The following RCC1 variants were observed in gnomAD, a reference collection of about 807,000 sequenced individuals.
RCC1 encodes the protein regulator of chromosome condensation.
Under a neutral mutation model 44.4 loss-of-function variants are expected in RCC1, and 11 were observed. The ratio of observed to expected loss-of-function variants is 0.25; its 90% confidence interval spans 0.16 to 0.41. The LOEUF is 0.41. RCC1 is among the 10% of genes least tolerant of loss of function. The pLI, the probability that RCC1 is intolerant of heterozygous loss-of-function variation, is 1.00. For synonymous variants in RCC1, 213 were observed against 216.5 expected (o/e 0.98, Z 0.14); for missense variants, 386 against 547.1 (o/e 0.71, Z 2.94).
chr1:28,526,097 C>A (rs1663641655), intron 4 of RCC1, among the ~76,000 whole-genome samples: 1 of 152,034 alleles, frequency 6.6e-6, no homozygotes, highest in Non-Finnish European at 1.5e-5. Flanking sequence ...CCAGCCTGGG[C>A]AACTTGGCAA....
chr1:28,519,912 G>A (rs1436581561), intron 4 of RCC1, among the ~76,000 whole-genome samples: 2 of 148,332 alleles, frequency 1.3e-5, no homozygotes, highest in Admixed American at 6.8e-5. Context: ...TTGGTCTATC[G>A]CCCAGGCTGT....
intron 1 of RCC1, chr1:28,507,281 C>T (rs1662035348): frequency 6.1e-6 from 3 of 489,436 alleles, no homozygotes; most frequent in East Asian, 5.6e-5. Flanking sequence ...AACTCGTTTG[C>T]TTTCTTGTTT....
chr1:28,519,056 C>G (rs1337707916), intron 4 of RCC1: 1 of 152,248 alleles, frequency 6.6e-6, no homozygotes, highest in Non-Finnish European at 1.5e-5. Context: ...GGGGAGCCCT[C>G]AGGGGGATCC....
intron 3 of RCC1, among the ~76,000 whole-genome samples, chr1:28,516,181 A>T (rs563018452): frequency 6.6e-6 from 1 of 151,512 alleles, no homozygotes; most frequent in Non-Finnish European, 1.5e-5. Context: ...GTTCGAGATC[A>T]GCCTGGCCAA....
chr1:28,529,013 C>CCACCAT (rs1162007407), intron 4 of RCC1, among the ~76,000 whole-genome samples: 1 of 148,520 alleles, frequency 6.7e-6, no homozygotes, highest in Non-Finnish European at 1.5e-5. Flanking sequence ...CAGTCGCACA[C>CCACCAT]CACCATGCCT....
intron 7 of RCC1, among the ~76,000 whole-genome samples, chr1:28,533,412 A>G (rs1664304945): frequency 6.7e-6 from 1 of 150,016 alleles, no homozygotes; most frequent in Admixed American, 6.7e-5. Context: ...CGGAGCTTGC[A>G]GTGAGCCAAG....
chr1:28,538,199 C>A lies in RCC1; in HGVS notation c.*192C>A. 1 of 531,270 alleles carries A rather than the reference C, an allele frequency of 1.9e-6. No homozygotes were observed. The highest frequency in any genetic ancestry group is 3.3e-6 in the Non-Finnish European group (1 of 305,828). The allele number at this position is 531,270 out of a possible 1,614,324, so 32.9% of individuals were successfully genotyped here. ...CTCTTTGGAATTTTCCTGGGACCTACAGAATAAAGGGGGGGATGGACAGGG... is the reference window on the plus strand; with the variant it reads ...CTCTTTGGAATTTTCCTGGGACCTAAAGAATAAAGGGGGGGATGGACAGGG... On this transcript the variant is annotated 3_prime_UTR_variant, in exon 13 of 13. Coordinates refer to ENST00000683442, the MANE Select transcript of RCC1 (RefSeq NM_001381865.2).
At chr1:28,516,501 C>CA (rs558641226) in intron 3 of RCC1, among the ~76,000 whole-genome samples, 1,234 of 119,508 alleles carry the variant, frequency 0.01, 11 homozygotes, top group East Asian at 0.047. Context: ...GACCCCATCT[C>CA]AAAAAAAAAA....
chr1:28,516,501 C>CAA (rs558641226), intron 3 of RCC1, among the ~76,000 whole-genome samples: 5 of 119,546 alleles, frequency 4.2e-5, no homozygotes, highest in East Asian at 5.7e-4. Context: ...GACCCCATCT[C>CAA]AAAAAAAAAA....
At position 28,524,819 on chromosome 1, in the gene RCC1, G is replaced by A. The variant is rs185761907; in HGVS notation, c.-9-5039G>A. The stretch of plus-strand genomic sequence containing the variant: ...ACCATGCCACTGCACTCAAGTCTGG[G>A]CAGGACCCTGTCTCAAAAATAAATA... On this transcript the variant is annotated intron_variant, in intron 4 of 12. Coordinates refer to ENST00000683442, the MANE Select transcript of RCC1 (RefSeq NM_001381865.2). Among the ~76,000 whole-genome samples the A allele has an allele frequency of 3.6e-3, 545 of 152,178 alleles. 1 individual carries two copies. Among genetic ancestry groups the A allele is most frequent in the Middle Eastern group, 0.017 (5 of 294 alleles).
chr1:28,534,205 G>T lies in RCC1; in HGVS notation c.442-845G>T, dbSNP rs550102603. ...TTTCTTTTTTCTTTGTTTTGAGACG[G>T]AGTCTCGCTTTGTCGCCCAGGCTGG... On this transcript the variant is annotated intron_variant, in intron 7 of 12. Coordinates refer to ENST00000683442, the MANE Select transcript of RCC1 (RefSeq NM_001381865.2). 5.7e-4 allele frequency among the ~76,000 whole-genome samples: 87 copies of T among 151,772 alleles called. 1 individual carries two copies. Among genetic ancestry groups the T allele is most frequent in the African/African-American group, 1.7e-3 (72 of 41,386 alleles).
At chr1:28,507,755 C>T (rs754631247) in intron 1 of RCC1, 13 of 337,206 alleles carry the variant, frequency 3.9e-5, no homozygotes, top group African/African-American at 1.1e-4. Context: ...TACAGGCCCC[C>T]GCCACCACGC....
intron 4 of RCC1, among the ~76,000 whole-genome samples, chr1:28,521,512 A>G (rs929230056): frequency 6.0e-5 from 9 of 149,886 alleles, no homozygotes; most frequent in Non-Finnish European, 1.2e-4. Flanking sequence ...AAAAAAAAAA[A>G]AAAAAAAAAA....
rs764305333 is a variant in RCC1 at position 28,537,842 on chromosome 1, C to T, written c.1101C>T (p.Phe367=). The T allele has an allele frequency of 2.9e-5, 47 of 1,611,932 alleles. No individual in the cohort carries two copies. In the East Asian group the frequency reaches 7.8e-4, roughly 27 times the overall value. Residue 367 remains phenylalanine (F), a synonymous_variant, in exon 13 of 13, where the codon TTC becomes TTT. Coordinates refer to ENST00000683442, the MANE Select transcript of RCC1 (RefSeq NM_001381865.2). ...GYAVTKDGRV[F]AWGMGTNYQL... ...TTCTCTCTCTTGCAGGTCGTGTTTT[C>T]GCCTGGGGCATGGGCACCAACTACC...
At chr1:28,510,173 G>C (rs117662395) in intron 3 of RCC1, 1 of 152,388 alleles carries the variant, frequency 6.6e-6, no homozygotes, top group Non-Finnish European at 1.5e-5. Context: ...ATGGAGACAG[G>C]TTTGAGGGAG....
At chr1:28,535,710 C>G (rs1055337898) in intron 9 of RCC1, 161 bp from the exon 10 acceptor site, 2 of 846,830 alleles carry the variant, frequency 2.4e-6, no homozygotes, top group Non-Finnish European at 3.9e-6. Flanking sequence ...GAGCAAGGCA[C>G]TTGTATTCTC....
At chr1:28,506,341 C>T (rs1447303209) in intron 1 of RCC1, 1 of 399,792 alleles carries the variant, frequency 2.5e-6, no homozygotes, top group East Asian at 7.7e-5. Context: ...CGTGCCACCA[C>T]GCCCGGCCAA....
At chr1:28,524,663 GC>G (rs1397487330) in intron 4 of RCC1, among the ~76,000 whole-genome samples, 1 of 152,110 alleles carries the variant, frequency 6.6e-6, no homozygotes, top group African/African-American at 2.4e-5. Context: ...TTCGGGACCA[GC>G]CTGGGCAACA....
chr1:28,516,848 G>A lies in RCC1; in HGVS notation c.-29G>A, dbSNP rs1401874716. The A allele has an allele frequency of 1.3e-5, 6 of 456,524 alleles. No individual in the cohort carries two copies. Among genetic ancestry groups the A allele is most frequent in the African/African-American group, 1.2e-4 (6 of 50,034 alleles). 28.3% of individuals were successfully genotyped at this position (456,524 alleles called of 1,614,324 possible). On this transcript the variant is annotated 5_prime_UTR_variant, in exon 4 of 13. Transcript: ENST00000683442. Reference sequence around the variant, plus strand: ...TCCAAAAGAGGAGTCCATGATGGAGGCAGAGGTAAACTTGGAGAGGTAAGA... The same window carrying A: ...TCCAAAAGAGGAGTCCATGATGGAGACAGAGGTAAACTTGGAGAGGTAAGA...
Sources: gnomAD v4.1 joint callset for allele counts (sites outside exome capture counted in the v4.1 genomes callset) on GRCh38, gnomAD v4.1.1 for gene constraint, MANE v1.5 for transcripts, NCBI Gene and HGNC (gene_info 2026-07-23, HGNC 2026-07-21) for gene names.